RIN3: variants seen among roughly 807,000 people sequenced by gnomAD.
RIN3 encodes Ras and Rab interactor 3.
RIN3 carries 54 observed loss-of-function variants against 76.3 expected under a neutral mutation model. The ratio of observed to expected loss-of-function variants is 0.71; its 90% CI spans 0.57 to 0.89. The LOEUF (loss-of-function observed/expected upper bound fraction) is 0.89, where lower values mean the gene tolerates loss of function less well. RIN3 is among the 40% of genes least tolerant of loss of function. The probability of loss-of-function intolerance (pLI) is 0.00; values close to 1 mark genes in which losing one functional copy is unlikely to be tolerated. For missense variants in RIN3, 1,256 were observed against 1,322.1 expected (o/e 0.95, Z 0.78); for synonymous variants, 576 against 564.0 (o/e 1.02, Z -0.30).
At chr14:92,627,538 C>T (rs377317879) in intron 4 of RIN3, among the ~76,000 whole-genome samples, 9 of 152,354 alleles carry the variant, frequency 5.9e-5, no homozygotes, top group East Asian at 5.8e-4. Flanking sequence ...TTTCAACCTC[C>T]AGGATATCCC....
chr14:92,594,611 A>G (rs531096743), intron 3 of RIN3, among the ~76,000 whole-genome samples: 51 of 152,362 alleles, frequency 3.3e-4, no homozygotes, highest in African/African-American at 1.2e-3. Context: ...AAATACTTTG[A>G]CGTAAATGAA....
chr14:92,576,970 G>T (rs768467410), intron 2 of RIN3, among the ~76,000 whole-genome samples: 8 of 152,146 alleles, frequency 5.3e-5, no homozygotes, highest in Non-Finnish European at 1.0e-4. Flanking sequence ...GAGCTTTTCT[G>T]AGTGTAGACT....
chr14:92,607,265 G>C (rs1456975833), intron 3 of RIN3, among the ~76,000 whole-genome samples: 1 of 152,256 alleles, frequency 6.6e-6, no homozygotes, highest in African/African-American at 2.4e-5. Context: ...AAAGGCTGGT[G>C]AGGATGGGAA....
intron 4 of RIN3, among the ~76,000 whole-genome samples, chr14:92,635,332 G>A (rs886514729): frequency 1.3e-5 from 2 of 152,200 alleles, no homozygotes; most frequent in Non-Finnish European, 2.9e-5. Context: ...GCTGAGGTTG[G>A]AGGACTGGGG....
At chr14:92,618,716 T>C (rs1231373891) in intron 4 of RIN3, among the ~76,000 whole-genome samples, 1 of 152,242 alleles carries the variant, frequency 6.6e-6, no homozygotes, top group Non-Finnish European at 1.5e-5. Flanking sequence ...ACCTGAAGCT[T>C]TAATTGTTTT....
chr14:92,654,332 GA>G (rs112130560), intron 6 of RIN3, among the ~76,000 whole-genome samples: 22,082 of 131,264 alleles, frequency 0.17, 1,985 homozygotes, highest in East Asian at 0.28. Context: ...AAAAAGAAAA[GA>G]AAAGAAAAAA....
chr14:92,529,001 T>C (rs1457995375), intron 1 of RIN3, among the ~76,000 whole-genome samples: 1 of 152,124 alleles, frequency 6.6e-6, no homozygotes, highest in Non-Finnish European at 1.5e-5. Flanking sequence ...GGTAAGCTGG[T>C]GCCTGGCCTG....
intron 8 of RIN3, among the ~76,000 whole-genome samples, chr14:92,678,472 C>CATAT: frequency 1.5e-5 from 1 of 65,966 alleles, no homozygotes; most frequent in South Asian, 7.4e-4. Context: ...TACCCATCCA[C>CATAT]CCACCCACCC....
chr14:92,629,318 T>C (rs1270327679), intron 4 of RIN3, among the ~76,000 whole-genome samples: 1 of 152,166 alleles, frequency 6.6e-6, no homozygotes, highest in Non-Finnish European at 1.5e-5. Flanking sequence ...AACAAAGAAT[T>C]AGACAAAACG....
In RIN3 at chr14:92,543,094, C is replaced by T. The variant is rs1897162930; in HGVS notation, c.45-12657C>T. On this transcript the variant is annotated intron_variant, in intron 1 of 9. Coordinates refer to ENST00000216487, the MANE Select transcript of RIN3 (RefSeq NM_024832.5). ...TAAATGCTGTTAAAAAACGAACCACCCTATCTGGAAATTCTTGGAGACACC... is the reference window on the plus strand; with the variant it reads ...TAAATGCTGTTAAAAAACGAACCACTCTATCTGGAAATTCTTGGAGACACC... Among the ~76,000 whole-genome samples, 3 of 152,142 alleles carry T rather than the reference C, an allele frequency of 2.0e-5. No homozygotes were observed. In the South Asian group the frequency reaches 6.2e-4, roughly 32 times the overall value.
intron 3 of RIN3, among the ~76,000 whole-genome samples, chr14:92,578,918 T>C (rs1229565810): frequency 6.6e-6 from 1 of 152,060 alleles, no homozygotes; most frequent in Non-Finnish European, 1.5e-5. Flanking sequence ...ATAATTTCTT[T>C]TATTCTTTTC....
chr14:92,613,076 T>G (rs1247219343), intron 3 of RIN3, among the ~76,000 whole-genome samples: 1 of 152,252 alleles, frequency 6.6e-6, no homozygotes, highest in Non-Finnish European at 1.5e-5. Flanking sequence ...TTGTTGAGTA[T>G]GCCTGGTATG....
At chr14:92,584,974 T>C (rs1052754008) in intron 3 of RIN3, among the ~76,000 whole-genome samples, 14 of 152,210 alleles carry the variant, frequency 9.2e-5, no homozygotes, top group African/African-American at 3.4e-4. Flanking sequence ...GTAGCCCCTC[T>C]TCATTTCCTG....
intron 2 of RIN3, among the ~76,000 whole-genome samples, chr14:92,573,598 T>C (rs555680200): frequency 9.3e-4 from 141 of 152,260 alleles, no homozygotes; most frequent in African/African-American, 3.2e-3. Flanking sequence ...TAGCAGAAAC[T>C]CAGGTAAGAT....
Position 92,549,767 on chromosome 14 carries a change from G to A in RIN3, c.45-5984G>A, listed in dbSNP as rs558772303. On this transcript the variant is annotated intron_variant, in intron 1 of 9. Transcript: ENST00000216487. ...AGGGCGTTCTGGGTGGGTGTCCGGC[G>A]GCAGCCATAGGATCAGAAGCCTGTG... 4.6e-5 allele frequency among the ~76,000 whole-genome samples: 7 copies of A among 152,344 alleles called. No individual in the cohort carries two copies. The South Asian group carries it at 6.2e-4, about 14-fold the overall frequency.
At chr14:92,670,477 G>C (rs895218019) in intron 7 of RIN3, among the ~76,000 whole-genome samples, 1 of 152,214 alleles carries the variant, frequency 6.6e-6, no homozygotes, top group Non-Finnish European at 1.5e-5. Context: ...TCAGGGCTTA[G>C]CCCTGAGCCT....
rs980183968 is a variant in RIN3 at position 92,664,380 on chromosome 14, T to C, written c.2335+4911T>C. ...TCTTTCTTTCTTTTTTTTTTTTTTT[T>C]TTTTTGAGATGGAGTCTCACTCTGT... On this transcript the variant is annotated intron_variant, in intron 7 of 9. Coordinates refer to ENST00000216487, the MANE Select transcript of RIN3 (RefSeq NM_024832.5). Among the ~76,000 whole-genome samples, 1,333 of 142,788 alleles carry C rather than the reference T, an allele frequency of 9.3e-3. 8 individuals carry two copies. The highest frequency in any genetic ancestry group is 0.016 in the Non-Finnish European group (1,012 of 65,060). The allele number at this position is 142,788 out of a possible 152,430, so 93.7% of individuals were successfully genotyped here. A position where few individuals can be genotyped will look rare whatever the true frequency, so the allele number is the denominator to read the frequency against.
In RIN3 at chr14:92,562,465, T is replaced by C. The variant is rs1466072575; in HGVS notation, c.249+6510T>C. 3.3e-5 allele frequency among the ~76,000 whole-genome samples: 5 copies of C among 152,254 alleles called. No homozygotes were observed. In the East Asian group the frequency reaches 5.8e-4, roughly 18 times the overall value. ...TGGTATCTAATAAATTATTTGGAAT[T>C]TGTCTGTACAAGAGATTTGCCTCTT... On this transcript the variant is annotated intron_variant, in intron 2 of 9. Coordinates refer to ENST00000216487, the MANE Select transcript of RIN3 (RefSeq NM_024832.5).
At chr14:92,677,829 TACCCACCCATCTACCCATCC>T (rs1372673934) in intron 8 of RIN3, among the ~76,000 whole-genome samples, 10 of 149,384 alleles carry the variant, frequency 6.7e-5, no homozygotes, top group Admixed American at 1.3e-4. Flanking sequence ...CTCATCCACC[TACCCACCCATCTACCCATCC>T]ACCCACCCAT....
Sources: gnomAD v4.1 joint callset for allele counts (sites outside exome capture counted in the v4.1 genomes callset) on GRCh38, gnomAD v4.1.1 for gene constraint, MANE v1.5 for transcripts, NCBI Gene and HGNC (gene_info 2026-07-23, HGNC 2026-07-21) for gene names.